The following COL5A2 variants were observed in gnomAD, a reference collection of about 807,000 sequenced individuals.
COL5A2 encodes collagen alpha-2(V) chain.
COL5A2 carries 23 observed loss-of-function variants against 208.2 expected under a neutral mutation model. That is an observed-to-expected ratio of 0.11 (90% CI 0.08 to 0.16). COL5A2 has a LOEUF of 0.16. Ranked by LOEUF, COL5A2 falls within the 10% of genes least tolerant of loss-of-function variation. The pLI is 1.00. For synonymous variants in COL5A2, 625 were observed against 628.5 expected, an observed-to-expected ratio of 0.99 and a Z score of 0.08; for missense variants, 1,590 against 1,956.4, an observed-to-expected ratio of 0.81 and a Z score of 3.53.
upstream of COL5A2, among the ~76,000 whole-genome samples, chr2:189,181,588 G>A (rs575750488): frequency 2.4e-4 from 37 of 152,216 alleles, no homozygotes; most frequent in Admixed American, 7.2e-4. Flanking sequence ...CCCTGATACC[G>A]AAGGGCTGGC....
Position 189,033,094 on chromosome 2 carries a change from T to A in COL5A2, c.*976A>T, listed in dbSNP as rs1274192588. On this transcript the variant is annotated 3_prime_UTR_variant, in exon 54 of 54. Transcript: ENST00000374866. ...AAATGGTCTAATTCCAATCATCACATTTGATTAGAGTCAGCTCCACAACTC... is the reference window on the plus strand; with the variant it reads ...AAATGGTCTAATTCCAATCATCACAATTGATTAGAGTCAGCTCCACAACTC... 6.6e-6 allele frequency: 1 copy of A among 152,592 alleles called. No individual in the cohort carries two copies. The highest frequency in any genetic ancestry group is 2.4e-5 in the African/African-American group (1 of 41,446). The allele number at this position is 152,592 out of a possible 1,614,324, so 9.5% of individuals were successfully genotyped here.
chr2:189,374,566 CT>C, the COL5A2 span, among the ~76,000 whole-genome samples: 1 of 151,990 alleles, frequency 6.6e-6, no homozygotes, highest in Non-Finnish European at 1.5e-5. Flanking sequence ...CAAAGATCTA[CT>C]TTTTACTCAG....
chr2:189,321,524 T>C, the COL5A2 span, among the ~76,000 whole-genome samples: 2 of 152,154 alleles, frequency 1.3e-5, no homozygotes, highest in Non-Finnish European at 2.9e-5. Flanking sequence ...TCCTAGTCTC[T>C]GATAAAACAA....
the COL5A2 span, among the ~76,000 whole-genome samples, chr2:189,345,304 A>G: frequency 6.6e-6 from 1 of 152,230 alleles, no homozygotes; most frequent in Admixed American, 6.5e-5. Flanking sequence ...ATATATGTGG[A>G]TGCAGCAGCT....
intron 1 of COL5A2, among the ~76,000 whole-genome samples, chr2:189,220,157 G>C (rs931617686): frequency 3.3e-5 from 5 of 152,094 alleles, no homozygotes; most frequent in Non-Finnish European, 7.4e-5. Flanking sequence ...CACCCTGAAG[G>C]GGCTGACACC....
At chr2:189,243,639 C>T in the COL5A2 span, among the ~76,000 whole-genome samples, 2 of 152,136 alleles carry the variant, frequency 1.3e-5, no homozygotes, top group Non-Finnish European at 2.9e-5. Context: ...ATCATTCAGC[C>T]CCTGGCCCCT....
chr2:189,043,276 G>T lies in COL5A2; in HGVS notation c.3364-18C>A, dbSNP rs368340034. On this transcript the variant is annotated intron_variant, in intron 47 of 53. Transcript: ENST00000374866. ...TGGGGTCCCTAGAAATAGAGATATG[G>T]CATGAAAATTACTTGCTACATATTA... is the stretch of plus-strand genomic sequence containing the variant. 1 of 1,555,344 alleles carries T rather than the reference G, an allele frequency of 6.4e-7. No individual in the cohort carries two copies.
chr2:189,064,709 C>G, intron 24 of COL5A2, 54 bp from the exon 25 acceptor site: 1 of 1,223,860 alleles, frequency 8.2e-7, no homozygotes, highest in Non-Finnish European at 1.2e-6. Flanking sequence ...AAAACAAAAG[C>G]AAGCAGAAGT....
intron 1 of COL5A2, among the ~76,000 whole-genome samples, chr2:189,218,943 GTTAC>G (rs1183755060): frequency 7.2e-5 from 11 of 152,102 alleles, no homozygotes; most frequent in African/African-American, 2.7e-4. Context: ...AAAACCGGAA[GTTAC>G]TTCAGTGCGC....
chr2:189,285,443 A>C, the COL5A2 span, among the ~76,000 whole-genome samples: 1 of 152,124 alleles, frequency 6.6e-6, no homozygotes, highest in Non-Finnish European at 1.5e-5. Flanking sequence ...ATAATAACCT[A>C]CATCTACAGT....
intron 29 of COL5A2, 29 bp downstream of exon 29, chr2:189,062,836 T>A: frequency 6.2e-7 from 1 of 1,604,510 alleles, no homozygotes; most frequent in Non-Finnish European, 8.5e-7. Context: ...ATATATATTC[T>A]CACACACACA....
chr2:189,298,800 G>T, the COL5A2 span, among the ~76,000 whole-genome samples: 1 of 152,126 alleles, frequency 6.6e-6, no homozygotes, highest in Non-Finnish European at 1.5e-5. Flanking sequence ...AGGAGTAAGG[G>T]ATATATCTAA....
In COL5A2 at chr2:189,160,980, G is replaced by A. The variant is rs1688352470; in HGVS notation, c.97+18528C>T. Among the ~76,000 whole-genome samples, 4 of 151,580 alleles carry A rather than the reference G, an allele frequency of 2.6e-5. No individual in the cohort carries two copies. In the South Asian group the frequency reaches 6.3e-4, roughly 24 times the overall value. On this transcript the variant is annotated intron_variant, in intron 1 of 53. Transcript: ENST00000374866. ...CGAGTAGCTGGGATTATAGGCATGT[G>A]CCACCATACTCGGCTAATTTTGTAT... is the stretch of plus-strand genomic sequence containing the variant.
intron 25 of COL5A2, 64 bp downstream of exon 25, chr2:189,064,493 C>T (rs1686102359): frequency 7.0e-6 from 8 of 1,140,108 alleles, no homozygotes; most frequent in African/African-American, 4.6e-5. Context: ...AACAAAAACC[C>T]GACCAATGCA....
At chr2:189,376,972 T>C in the COL5A2 span, among the ~76,000 whole-genome samples, 5 of 152,206 alleles carry the variant, frequency 3.3e-5, no homozygotes, top group African/African-American at 1.2e-4. Context: ...ATATATTTAA[T>C]ATATTGTTAC....
intron 31 of COL5A2, 151 bp downstream of exon 31, chr2:189,060,579 G>T: frequency 1.5e-6 from 1 of 664,850 alleles, no homozygotes; most frequent in Non-Finnish European, 2.7e-6. Context: ...CTACAAAATG[G>T]AGATAATGAT....
In COL5A2 at chr2:189,033,168, T is replaced by C. The variant is rs1387539026; in HGVS notation, c.*902A>G. On this transcript the variant is annotated 3_prime_UTR_variant, in exon 54 of 54. Coordinates refer to ENST00000374866, the MANE Select transcript of COL5A2 (RefSeq NM_000393.5). The stretch of plus-strand genomic sequence containing the variant: ...TATAGGCTTCAGGATGATGAGATTG[T>C]ACATGTGGAAGAGTCTCAATTTAGA... 1.3e-5 allele frequency: 2 copies of C among 152,592 alleles called. No individual in the cohort carries two copies. Among genetic ancestry groups the C allele is most frequent in the African/African-American group, 4.8e-5 (2 of 41,448 alleles). The allele number at this position is 152,592 out of a possible 1,614,324, so 9.5% of individuals were successfully genotyped here.
the COL5A2 span, among the ~76,000 whole-genome samples, chr2:189,359,410 C>T: frequency 6.6e-6 from 1 of 152,120 alleles, no homozygotes; most frequent in Non-Finnish European, 1.5e-5. Flanking sequence ...CCTTGCATCC[C>T]AAGGATAAAT....
chr2:189,190,323 G>A lies in COL5A2; in HGVS notation c.-42+34825C>T, dbSNP rs150178942. 2.6e-5 allele frequency among the ~76,000 whole-genome samples: 4 copies of A among 152,226 alleles called. 1 individual carries two copies. The highest frequency in any genetic ancestry group is 2.6e-4 in the Admixed American group (4 of 15,288). ...AATCAGAAGATATTATTGGAGGAGTGAGATTTTATAAATGTGCCTTGTCTT... is the reference window on the plus strand; with the variant it reads ...AATCAGAAGATATTATTGGAGGAGTAAGATTTTATAAATGTGCCTTGTCTT... On this transcript the variant is annotated intron_variant, in intron 1 of 10. Transcript: ENST00000649966.
Sources: allele counts gnomAD v4.1 joint callset (sites outside exome capture counted in the v4.1 genomes callset), GRCh38; gene constraint gnomAD v4.1.1; transcripts MANE v1.5; gene names NCBI Gene and HGNC (gene_info 2026-07-23, HGNC 2026-07-21).